KCNQ5: variants seen among roughly 807,000 people sequenced by gnomAD.
KCNQ5 encodes the protein potassium voltage-gated channel subfamily KQT member 5.
Under a neutral mutation model 98.2 loss-of-function variants are expected in KCNQ5, and 30 were observed. The observed-to-expected ratio is 0.31, with a 90% CI of 0.23 to 0.41. The LOEUF is 0.41. KCNQ5 is among the 10% of genes least tolerant of loss of function. The pLI is 1.00. For synonymous variants in KCNQ5, 458 were observed against 449.4 expected, an observed-to-expected ratio of 1.02 and a Z score of -0.24; for missense variants, 835 against 1,182.5, an observed-to-expected ratio of 0.71 and a Z score of 4.31.
At chr6:72,746,621 G>A (rs559639365) in intron 1 of KCNQ5, among the ~76,000 whole-genome samples, 1 of 152,108 alleles carries the variant, frequency 6.6e-6, no homozygotes, top group African/African-American at 2.4e-5. Flanking sequence ...CAACTACATT[G>A]GATATATTTA....
At chr6:73,068,105 G>T (rs551770481) in intron 3 of KCNQ5, among the ~76,000 whole-genome samples, 3 of 152,054 alleles carry the variant, frequency 2.0e-5, no homozygotes, top group African/African-American at 7.2e-5. Context: ...ATACCAGCTC[G>T]ACCAACATGG....
intron 1 of KCNQ5, among the ~76,000 whole-genome samples, chr6:72,873,603 ATGGCTTTAAC>A (rs1778298084): frequency 6.6e-6 from 1 of 152,170 alleles, no homozygotes; most frequent in South Asian, 2.1e-4. Flanking sequence ...AACTGGCACA[ATGGCTTTAAC>A]TGGCTTAGAA....
At chr6:72,836,813 G>A (rs574190164) in intron 1 of KCNQ5, among the ~76,000 whole-genome samples, 3 of 152,298 alleles carry the variant, frequency 2.0e-5, no homozygotes, top group African/African-American at 7.2e-5. Flanking sequence ...GGAAAGTGGT[G>A]AGATTTTGAG....
intron 1 of KCNQ5, among the ~76,000 whole-genome samples, chr6:72,814,001 T>C (rs1775377739): frequency 6.6e-6 from 1 of 152,058 alleles, no homozygotes; most frequent in African/African-American, 2.4e-5. Context: ...AAAGATTTGG[T>C]TCATGTCACT....
intron 2 of KCNQ5, among the ~76,000 whole-genome samples, chr6:73,032,763 G>T (rs1771208057): frequency 6.6e-6 from 1 of 152,018 alleles, no homozygotes; most frequent in African/African-American, 2.4e-5. Flanking sequence ...ATTTGGGCAT[G>T]CAGACACACC....
intron 10 of KCNQ5, among the ~76,000 whole-genome samples, chr6:73,158,515 C>T (rs1210181573): frequency 1.3e-5 from 2 of 152,062 alleles, no homozygotes; most frequent in Non-Finnish European, 2.9e-5. Context: ...ATCCGCGCGC[C>T]TCAGCCTCCC....
chr6:72,659,026 A>T (rs545714492), intron 1 of KCNQ5, among the ~76,000 whole-genome samples: 1 of 152,350 alleles, frequency 6.6e-6, no homozygotes, highest in Admixed American at 6.5e-5. Flanking sequence ...CTTAGCAGTT[A>T]GGCGGATATT....
At chr6:73,157,590 G>C in intron 10 of KCNQ5, 1 of 768,734 alleles carries the variant, frequency 1.3e-6, no homozygotes, top group South Asian at 1.4e-5. Flanking sequence ...CTGGCATGGA[G>C]GGCGGCGGCA....
intron 9 of KCNQ5, among the ~76,000 whole-genome samples, chr6:73,124,926 C>G (rs1208037263): frequency 1.8e-5 from 2 of 111,838 alleles, no homozygotes; most frequent in Non-Finnish European, 1.9e-5. Flanking sequence ...TAGGGTCCTT[C>G]TTTTGGAGTG....
chr6:72,767,994 A>G (rs1243445133), intron 1 of KCNQ5, among the ~76,000 whole-genome samples: 1 of 152,110 alleles, frequency 6.6e-6, no homozygotes, highest in African/African-American at 2.4e-5. Context: ...TAATAGACAT[A>G]TATCCAAGAG....
intron 11 of KCNQ5, among the ~76,000 whole-genome samples, chr6:73,188,982 CAAAAAAAAAAA>C (rs67431655): frequency 2.4e-5 from 2 of 82,426 alleles, no homozygotes; most frequent in Non-Finnish European, 4.7e-5. Flanking sequence ...GACTCTGTCT[CAAAAAAAAAAA>C]AAAAAAAAAA....
intron 1 of KCNQ5, among the ~76,000 whole-genome samples, chr6:72,644,971 A>C (rs528673107): frequency 6.6e-6 from 1 of 152,168 alleles, no homozygotes; most frequent in Non-Finnish European, 1.5e-5. Flanking sequence ...TAAGTATGAC[A>C]CTTAGAACAT....
chr6:72,983,260 G>A (rs1355235184), intron 1 of KCNQ5, among the ~76,000 whole-genome samples: 1 of 152,196 alleles, frequency 6.6e-6, no homozygotes, highest in Non-Finnish European at 1.5e-5. Flanking sequence ...ATATCCTGAA[G>A]AGTGTTTTCC....
chr6:72,949,766 G>C (rs1324408473), intron 1 of KCNQ5, among the ~76,000 whole-genome samples: 1 of 152,074 alleles, frequency 6.6e-6, no homozygotes, highest in Non-Finnish European at 1.5e-5. Flanking sequence ...ATCATTATGG[G>C]AATAAAACTA....
chr6:72,836,324 T>C (rs2150128396), intron 1 of KCNQ5, among the ~76,000 whole-genome samples: 1 of 152,318 alleles, frequency 6.6e-6, no homozygotes, highest in Middle Eastern at 3.4e-3. Flanking sequence ...AAAATGGGGT[T>C]TCTGAGAATA....
intron 3 of KCNQ5, among the ~76,000 whole-genome samples, chr6:73,050,054 C>A (rs1562147752): frequency 7.3e-5 from 11 of 151,524 alleles, no homozygotes; most frequent in Admixed American, 1.3e-4. Context: ...CAAAAACAAA[C>A]AAAAAAAACT....
chr6:73,086,579 T>C (rs1397290956), intron 5 of KCNQ5, among the ~76,000 whole-genome samples: 1 of 152,204 alleles, frequency 6.6e-6, no homozygotes, highest in Non-Finnish European at 1.5e-5. Context: ...ACTTCAGTTG[T>C]TGCCAATGTT....
At chr6:72,970,653 T>G (rs925441602) in intron 1 of KCNQ5, among the ~76,000 whole-genome samples, 2 of 152,014 alleles carry the variant, frequency 1.3e-5, no homozygotes, top group East Asian at 1.9e-4. Context: ...AACAGAGATA[T>G]AGACTAATGG....
intron 1 of KCNQ5, among the ~76,000 whole-genome samples, chr6:72,667,398 T>G (rs1197308662): frequency 6.6e-6 from 1 of 152,192 alleles, no homozygotes; most frequent in East Asian, 1.9e-4. Context: ...ATTCAGGCCT[T>G]TGCCTTTTTT....
Sources: allele counts gnomAD v4.1 joint callset (sites outside exome capture counted in the v4.1 genomes callset), GRCh38; gene constraint gnomAD v4.1.1; transcripts MANE v1.5; gene names NCBI Gene and HGNC (gene_info 2026-07-23, HGNC 2026-07-21).